The following MSRB3 variants were observed in gnomAD, a reference collection of about 807,000 sequenced individuals.
The protein encoded by MSRB3 is methionine-R-sulfoxide reductase B3.
In MSRB3, 13 loss-of-function variants were observed where a neutral mutation model predicts 21.0. That is an observed-to-expected ratio of 0.62 (90% CI 0.40 to 0.98). The LOEUF (loss-of-function observed/expected upper bound fraction) is 0.98, where lower values mean the gene tolerates loss of function less well. Ranked by LOEUF, MSRB3 falls within the 50% of genes least tolerant of loss-of-function variation. The pLI is 0.00. For missense variants in MSRB3, 199 were observed against 230.3 expected (o/e 0.86, Z 0.88); for synonymous variants, 87 against 88.6 (o/e 0.98, Z 0.10).
chr12:65,346,341 G>A (rs1410403613), intron 4 of MSRB3, among the ~76,000 whole-genome samples: 7 of 152,192 alleles, frequency 4.6e-5, no homozygotes, highest in Middle Eastern at 3.4e-3. Flanking sequence ...GCCAGTGATG[G>A]TGAGCATTTT....
chr12:65,405,474 T>C (rs1880364049), intron 5 of MSRB3, among the ~76,000 whole-genome samples: 1 of 151,776 alleles, frequency 6.6e-6, no homozygotes, highest in Admixed American at 6.6e-5. Context: ...ATATTCCTTA[T>C]CCAGTCATTC....
Position 65,366,317 on chromosome 12 carries a change from A to G in MSRB3, c.264-2681A>G, listed in dbSNP as rs1878011779. 2.6e-5 allele frequency among the ~76,000 whole-genome samples: 4 copies of G among 152,328 alleles called. No homozygotes were observed. The South Asian group carries it at 8.3e-4, about 32-fold the overall frequency. The stretch of plus-strand genomic sequence containing the variant: ...GCCACTCCTTGGACTGGAGGTACAC[A>G]CATGCTAGTAGTACTACCTGACCTG... On this transcript the variant is annotated intron_variant, in intron 4 of 6. Transcript: ENST00000308259.
intron 2 of MSRB3, among the ~76,000 whole-genome samples, chr12:65,324,400 A>G (rs1874882586): frequency 6.6e-6 from 1 of 152,238 alleles, no homozygotes; most frequent in Admixed American, 6.5e-5. Flanking sequence ...TCTCTGTAGC[A>G]CAGTTAATGA....
intron 4 of MSRB3, among the ~76,000 whole-genome samples, chr12:65,347,414 T>G (rs1170170133): frequency 1.3e-5 from 2 of 152,050 alleles, no homozygotes; most frequent in Non-Finnish European, 2.9e-5. Flanking sequence ...TAGAATGCTT[T>G]TGATTTTTGC....
At chr12:65,456,372 C>T (rs1883092052) in intron 6 of MSRB3, among the ~76,000 whole-genome samples, 1 of 152,166 alleles carries the variant, frequency 6.6e-6, no homozygotes, top group African/African-American at 2.4e-5. Flanking sequence ...TCTTATAATT[C>T]ACTGTTGGAA....
At chr12:65,408,822 C>A (rs577963736) in intron 5 of MSRB3, among the ~76,000 whole-genome samples, 28 of 152,242 alleles carry the variant, frequency 1.8e-4, no homozygotes, top group Non-Finnish European at 1.9e-4. Flanking sequence ...TGATTAGGCT[C>A]TAATAAATGA....
At chr12:65,396,482 G>A (rs1879784744) in intron 5 of MSRB3, among the ~76,000 whole-genome samples, 1 of 152,140 alleles carries the variant, frequency 6.6e-6, no homozygotes, top group Admixed American at 6.5e-5. Flanking sequence ...CCTGAGGTCA[G>A]GAGTTCAAGA....
intron 5 of MSRB3, among the ~76,000 whole-genome samples, chr12:65,376,204 C>G (rs1476172257): frequency 6.7e-6 from 1 of 150,284 alleles, no homozygotes; most frequent in Non-Finnish European, 1.5e-5. Flanking sequence ...ACTGCAAGCT[C>G]CGCCTCCTGG....
chr12:65,373,060 G>A (rs901789790), intron 5 of MSRB3, among the ~76,000 whole-genome samples: 5 of 152,192 alleles, frequency 3.3e-5, no homozygotes, highest in African/African-American at 4.8e-5. Context: ...TTGGCAAAGA[G>A]TAATGGACTA....
intron 6 of MSRB3, among the ~76,000 whole-genome samples, chr12:65,457,322 C>G (rs759787738): frequency 6.6e-6 from 1 of 152,082 alleles, no homozygotes; most frequent in Non-Finnish European, 1.5e-5. Flanking sequence ...CTGCACCCAT[C>G]AACCCATCAT....
chr12:65,355,623 A>T (rs1021025007), intron 4 of MSRB3, among the ~76,000 whole-genome samples: 6 of 151,768 alleles, frequency 4.0e-5, no homozygotes, highest in African/African-American at 1.5e-4. Flanking sequence ...GGAGATTTGC[A>T]CATTTTACTT....
intron 5 of MSRB3, among the ~76,000 whole-genome samples, chr12:65,376,886 C>T (rs1330465197): frequency 6.6e-6 from 1 of 152,202 alleles, no homozygotes; most frequent in East Asian, 1.9e-4. Flanking sequence ...ATTCCAAACT[C>T]ATATGTGAAG....
At chr12:65,336,211 A>G (rs761659584) in intron 4 of MSRB3, among the ~76,000 whole-genome samples, 32 of 152,222 alleles carry the variant, frequency 2.1e-4, no homozygotes, top group Non-Finnish European at 4.0e-4. Flanking sequence ...ACAGGGAGTA[A>G]AAACACAGCC....
At chr12:65,294,251 T>C (rs1321746834) in intron 1 of MSRB3, among the ~76,000 whole-genome samples, 1 of 152,194 alleles carries the variant, frequency 6.6e-6, no homozygotes, top group Admixed American at 6.5e-5. Context: ...CCTGTGAGTT[T>C]TAAGCTCCAT....
intron 5 of MSRB3, among the ~76,000 whole-genome samples, chr12:65,422,386 T>C (rs1881347004): frequency 1.5e-5 from 1 of 66,148 alleles, no homozygotes; most frequent in African/African-American, 4.8e-5. Context: ...TGGGAGTACA[T>C]AGTATATATA....
At chr12:65,436,435 C>T (rs1304696687) in intron 5 of MSRB3, among the ~76,000 whole-genome samples, 1 of 151,686 alleles carries the variant, frequency 6.6e-6, no homozygotes, top group East Asian at 1.9e-4. Flanking sequence ...ATTTTGATAG[C>T]AGTATTTAAA....
intron 4 of MSRB3, among the ~76,000 whole-genome samples, chr12:65,361,563 T>C (rs552044894): frequency 2.0e-5 from 3 of 152,176 alleles, no homozygotes; most frequent in Non-Finnish European, 4.4e-5. Flanking sequence ...GCTCTTTTAG[T>C]TTCTTTGAGT....
rs533274527 is a variant in MSRB3 at position 65,306,980 on chromosome 12, G to A, written c.-51-1549G>A. The A allele has an allele frequency of 5.5e-4, 541 of 985,894 alleles. 1 individual carries two copies. Among genetic ancestry groups the A allele is most frequent in the Non-Finnish European group, 6.0e-4 (502 of 829,948 alleles). The allele number at this position is 985,894 out of a possible 1,614,324, so 61.1% of individuals were successfully genotyped here. A position where few individuals can be genotyped will look rare whatever the true frequency, so the allele number is the denominator to read the frequency against. Reference sequence around the variant, plus strand: ...AGTTGATGAAACAGAATAGGAAGACGTTTTATGGTCAGCTGTGGAAGCACA... The same window carrying A: ...AGTTGATGAAACAGAATAGGAAGACATTTTATGGTCAGCTGTGGAAGCACA... On this transcript the variant is annotated intron_variant, in intron 1 of 6. Transcript: ENST00000308259.
At chr12:65,456,099 A>T (rs897764356) in intron 6 of MSRB3, among the ~76,000 whole-genome samples, 1 of 152,230 alleles carries the variant, frequency 6.6e-6, no homozygotes, top group African/African-American at 2.4e-5. Context: ...ACAAAAAGGT[A>T]AACTATAAGT....
Sources: allele counts gnomAD v4.1 joint callset (sites outside exome capture counted in the v4.1 genomes callset), GRCh38; gene constraint gnomAD v4.1.1; transcripts MANE v1.5; gene names NCBI Gene and HGNC (gene_info 2026-07-23, HGNC 2026-07-21).